Variants in TBL1Y observed in about 807,000 individuals in gnomAD.
The protein encoded by TBL1Y is F-box-like/WD repeat-containing protein TBL1Y.
TBL1Y carries 15 observed loss-of-function variants against 12.0 expected under a neutral mutation model. The observed-to-expected ratio is 1.25, with a 90% CI of 0.83 to 1.92. The LOEUF (loss-of-function observed/expected upper bound fraction) is 1.92. TBL1Y is among the 40% of genes most tolerant of loss of function. TBL1Y has a pLI of 0.00. For synonymous variants in TBL1Y, 53 were observed against 42.6 expected (o/e 1.24, Z -0.95); for missense variants, 148 against 116.7 (o/e 1.27, Z -1.24).
In TBL1Y at chrY:7,045,494, C is replaced by G; in HGVS notation, c.204+2369C>G. Among the ~76,000 whole-genome samples the G allele has an allele frequency of 1.2e-4, 4 of 33,724 alleles. No homozygotes were observed. The East Asian group carries it at 2.4e-3, about 20-fold the overall frequency. 90.5% of individuals were successfully genotyped at this position (33,724 alleles called of 37,273 possible). On this transcript the variant is annotated intron_variant, in intron 7 of 18. Coordinates refer to ENST00000383032, the MANE Select transcript of TBL1Y (RefSeq NM_033284.2). ...ATCCTATTTCCCTGCCTCATTCCCC[C>G]CTAAGAAATGTGATCCTTATAAATA... is the stretch of plus-strand genomic sequence containing the variant.
At chrY:7,003,430 C>T in intron 4 of TBL1Y, among the ~76,000 whole-genome samples, 1 of 32,131 alleles carries the variant, frequency 3.1e-5, no homozygotes, top group Non-Finnish European at 7.7e-5. Context: ...TGGAGATCTC[C>T]ACTGTAGGCA....
At chrY:7,046,902 A>C (rs539194933) in intron 7 of TBL1Y, among the ~76,000 whole-genome samples, 5 of 34,286 alleles carry the variant, frequency 1.5e-4, no homozygotes, top group African/African-American at 5.7e-4. Context: ...AGGCATAAGC[A>C]AAAGAAAATA....
At chrY:6,911,149 T>G (rs962509305) in intron 1 of TBL1Y, among the ~76,000 whole-genome samples, 167 bp downstream of exon 1, 1 of 34,473 alleles carries the variant, frequency 2.9e-5, no homozygotes, top group Admixed American at 2.5e-4. Context: ...TGGACTAGGG[T>G]GCGGAGCGCT....
intron 4 of TBL1Y, among the ~76,000 whole-genome samples, chrY:7,010,209 A>G: frequency 3.0e-5 from 1 of 33,633 alleles, no homozygotes; most frequent in Non-Finnish European, 7.3e-5. Context: ...TATGCAAATT[A>G]TGTTCAAATG....
At chrY:7,087,466 A>G in intron 17 of TBL1Y, 34 bp downstream of exon 17, 1 of 384,047 alleles carries the variant, frequency 2.6e-6, no homozygotes, top group Non-Finnish European at 3.7e-6. Context: ...CCTTTTAGTA[A>G]GGGATGCCTG....
At chrY:6,984,012 A>ATGCC (rs2012301386) in intron 3 of TBL1Y, among the ~76,000 whole-genome samples, 1 of 33,348 alleles carries the variant, frequency 3.0e-5, no homozygotes. Context: ...CAAGGGGTGT[A>ATGCC]TGCCCTTAAT....
At chrY:6,981,768 T>C in intron 3 of TBL1Y, among the ~76,000 whole-genome samples, 1 of 32,929 alleles carries the variant, frequency 3.0e-5, no homozygotes, top group Non-Finnish European at 7.4e-5. Context: ...AAGGAAACAC[T>C]GACCAATTAT....
In TBL1Y at chrY:7,064,041, G is replaced by C. The variant is rs369748251; in HGVS notation, c.349G>C (p.Ala117Pro). 16 of 396,718 alleles carry C rather than the reference G, an allele frequency of 4.0e-5. No homozygotes were observed. Among genetic ancestry groups the C allele is most frequent in the Admixed American group, 7.6e-5 (1 of 13,238 alleles). The stretch of plus-strand genomic sequence containing the variant: ...CAGTGCAGCAGCCACAGAGGCATCA[G>C]CAATGGCAAAGGCGGCAACCATGAC... ...QASAAATEAS[A>P]MAKAATMTPA... is the part of the protein sequence containing the mutation. The change falls in exon 8 of 19, where the codon GCA becomes CCA. Residue 117 changes from alanine (A) to proline (P), a missense_variant. Coordinates refer to ENST00000383032, the MANE Select transcript of TBL1Y (RefSeq NM_033284.2).
chrY:6,950,448 G>A, intron 2 of TBL1Y, among the ~76,000 whole-genome samples: 8 of 33,333 alleles, frequency 2.4e-4, no homozygotes, highest in Admixed American at 8.3e-4. Context: ...TAATCCAAGG[G>A]ACAGATGAAC....
intron 2 of TBL1Y, among the ~76,000 whole-genome samples, chrY:6,946,075 C>A (rs2011983176): frequency 6.0e-5 from 2 of 33,579 alleles, no homozygotes; most frequent in African/African-American, 1.2e-4. Context: ...CTTGTAATAG[C>A]AAATACTGCA....
At chrY:7,035,772 G>A in intron 6 of TBL1Y, among the ~76,000 whole-genome samples, 1 of 32,701 alleles carries the variant, frequency 3.1e-5, no homozygotes, top group Non-Finnish European at 7.5e-5. Context: ...CACAGGGAGG[G>A]GAACATCCCA....
chrY:7,076,218 C>T, intron 13 of TBL1Y, among the ~76,000 whole-genome samples: 1 of 33,104 alleles, frequency 3.0e-5, no homozygotes, highest in Non-Finnish European at 7.4e-5. Context: ...TGTGAGGTAC[C>T]GCACATGGCC....
At chrY:7,080,052 T>G (rs2013084540) in intron 13 of TBL1Y, among the ~76,000 whole-genome samples, 3 of 11,569 alleles carry the variant, frequency 2.6e-4, no homozygotes, top group Non-Finnish European at 5.3e-4. Flanking sequence ...GGACTGTTTG[T>G]TTTTTTTTTT....
intron 7 of TBL1Y, among the ~76,000 whole-genome samples, chrY:7,059,526 G>A (rs2012845150): frequency 3.1e-5 from 1 of 32,434 alleles, no homozygotes; most frequent in Non-Finnish European, 7.5e-5. Context: ...CAGGCTGGCT[G>A]GGGTTTTCCT....
intron 4 of TBL1Y, among the ~76,000 whole-genome samples, chrY:7,020,338 C>T: frequency 3.0e-5 from 1 of 33,453 alleles, no homozygotes; most frequent in Non-Finnish European, 7.4e-5. Flanking sequence ...AATCCCAGCA[C>T]TTTGGGACGC....
intron 18 of TBL1Y, among the ~76,000 whole-genome samples, chrY:7,091,002 CTCT>C (rs2013172434): frequency 3.0e-5 from 1 of 33,569 alleles, no homozygotes; most frequent in Admixed American, 2.7e-4. Flanking sequence ...CTCCTGGGCA[CTCT>C]TCTTCTCCCA....
chrY:6,987,303 T>C, intron 3 of TBL1Y, among the ~76,000 whole-genome samples: 1 of 31,265 alleles, frequency 3.2e-5, no homozygotes, highest in South Asian at 8.0e-4. Context: ...CATTTCTTTT[T>C]TTTTTTTTTT....
At chrY:7,039,816 C>T (rs928555653) in intron 6 of TBL1Y, among the ~76,000 whole-genome samples, 1 of 32,910 alleles carries the variant, frequency 3.0e-5, no homozygotes, top group South Asian at 7.0e-4. Context: ...TTTATCTCCA[C>T]ATTGCAGAGG....
At chrY:6,936,829 C>T (rs2011907776) in intron 2 of TBL1Y, among the ~76,000 whole-genome samples, 3 of 32,943 alleles carry the variant, frequency 9.1e-5, no homozygotes, top group Non-Finnish European at 2.2e-4. Flanking sequence ...CAGGAGGATT[C>T]CAGGCTCTGT....
Sources: gnomAD v4.1 joint callset for allele counts (sites outside exome capture counted in the v4.1 genomes callset) on GRCh38, gnomAD v4.1.1 for gene constraint, MANE v1.5 for transcripts, NCBI Gene and HGNC (gene_info 2026-07-23, HGNC 2026-07-21) for gene names.